SPAG17: variants seen among roughly 807,000 people sequenced by gnomAD.
SPAG17 encodes the protein sperm associated antigen 17, also known as sperm-associated antigen 17.
A neutral mutation model predicts 273.6 loss-of-function variants in SPAG17; 169 were observed. That is an observed-to-expected ratio of 0.62 (90% CI 0.55 to 0.70). The LOEUF (loss-of-function observed/expected upper bound fraction) is 0.70. Ranked by LOEUF, SPAG17 falls within the 30% of genes least tolerant of loss-of-function variation. The pLI, the probability that SPAG17 is intolerant of heterozygous loss-of-function variation, is 0.00. For missense variants in SPAG17, 2,557 were observed against 2,627.8 expected, an observed-to-expected ratio of 0.97 and a Z score of 0.59; for synonymous variants, 825 against 873.2, an observed-to-expected ratio of 0.94 and a Z score of 0.97.
chr1:118,046,566 G>A (rs1650381617), intron 20 of SPAG17, among the ~76,000 whole-genome samples: 1 of 151,656 alleles, frequency 6.6e-6, no homozygotes, highest in Admixed American at 6.6e-5. Context: ...TAAATTTCTA[G>A]AGCAACCACT....
intron 3 of SPAG17, among the ~76,000 whole-genome samples, chr1:118,147,872 T>A (rs917525919): frequency 6.6e-6 from 1 of 152,220 alleles, no homozygotes; most frequent in Non-Finnish European, 1.5e-5. Flanking sequence ...AAGTATACTA[T>A]ACAGAAGTCT....
intron 18 of SPAG17, among the ~76,000 whole-genome samples, chr1:118,063,693 A>G (rs1379491490): frequency 6.6e-6 from 1 of 152,218 alleles, no homozygotes; most frequent in Non-Finnish European, 1.5e-5. Flanking sequence ...TTCACGTCTA[A>G]AACACCAAAA....
intron 10 of SPAG17, among the ~76,000 whole-genome samples, chr1:118,089,332 C>CGTGTATGTGTGTGTGTGTGTGT (rs1655217240): frequency 7.4e-6 from 1 of 135,882 alleles, no homozygotes; most frequent in African/African-American, 2.7e-5. Flanking sequence ...ATGTAGATGA[C>CGTGTATGTGTGTGTGTGTGTGT]GTGTGTGTGT....
At chr1:118,024,095 T>G (rs1178580723) in intron 27 of SPAG17, among the ~76,000 whole-genome samples, 1 of 152,210 alleles carries the variant, frequency 6.6e-6, no homozygotes, top group African/African-American at 2.4e-5. Flanking sequence ...CATATTTAGG[T>G]AATCCTTTAA....
chr1:118,063,387 A>G (rs1050374186), intron 18 of SPAG17, among the ~76,000 whole-genome samples: 3 of 152,202 alleles, frequency 2.0e-5, no homozygotes, highest in Non-Finnish European at 4.4e-5. Context: ...CAAAACAGAG[A>G]TATAGATCAA....
intron 43 of SPAG17, among the ~76,000 whole-genome samples, chr1:117,978,580 G>C (rs1453759960): frequency 1.3e-5 from 2 of 151,978 alleles, no homozygotes; most frequent in African/African-American, 4.8e-5. Flanking sequence ...TCTTTTATAT[G>C]CAATTCCATT....
At chr1:118,149,974 A>G (rs1659281041) in intron 3 of SPAG17, among the ~76,000 whole-genome samples, 1 of 152,202 alleles carries the variant, frequency 6.6e-6, no homozygotes, top group African/African-American at 2.4e-5. Flanking sequence ...CAGCCAAGCC[A>G]GATTTTATAC....
intron 32 of SPAG17, among the ~76,000 whole-genome samples, chr1:118,002,625 A>T (rs1157328498): frequency 6.6e-6 from 1 of 152,028 alleles, no homozygotes; most frequent in Non-Finnish European, 1.5e-5. Context: ...AGTCTGTTTT[A>T]TCAGAGACTA....
chr1:118,175,088 T>A (rs1660626172), intron 1 of SPAG17, among the ~76,000 whole-genome samples: 1 of 152,148 alleles, frequency 6.6e-6, no homozygotes, highest in South Asian at 2.1e-4. Context: ...TGGAGTGCAG[T>A]GGCGCAATCT....
chr1:118,111,744 G>A (rs886924840), intron 4 of SPAG17, among the ~76,000 whole-genome samples: 26 of 151,986 alleles, frequency 1.7e-4, no homozygotes, highest in Admixed American at 9.8e-4. Flanking sequence ...ATTATCAAAC[G>A]TAGGCACTTT....
intron 26 of SPAG17, 129 bp downstream of exon 26, chr1:118,028,145 A>G (rs2101865865): frequency 9.0e-7 from 1 of 1,112,456 alleles, no homozygotes; most frequent in Non-Finnish European, 1.3e-6. Flanking sequence ...AAATGCTACA[A>G]ATGTGAAAAC....
intron 1 of SPAG17, among the ~76,000 whole-genome samples, chr1:118,164,966 C>T (rs1488873320): frequency 6.6e-6 from 1 of 152,186 alleles, no homozygotes; most frequent in African/African-American, 2.4e-5. Context: ...AGCTCTCTGC[C>T]TTGCTCAGCC....
chr1:118,078,370 A>G (rs575122446), intron 15 of SPAG17, among the ~76,000 whole-genome samples: 1 of 152,260 alleles, frequency 6.6e-6, no homozygotes, highest in East Asian at 1.9e-4. Flanking sequence ...ATGAAACACA[A>G]ATGTTTAATA....
intron 18 of SPAG17, among the ~76,000 whole-genome samples, chr1:118,063,016 A>G (rs550829563): frequency 1.3e-5 from 2 of 152,286 alleles, no homozygotes; most frequent in South Asian, 4.1e-4. Flanking sequence ...AAGAAAGGAT[A>G]ATGGAAATTA....
At chr1:118,184,217 A>AT (rs76877728) in intron 1 of SPAG17, among the ~76,000 whole-genome samples, 260 of 152,064 alleles carry the variant, frequency 1.7e-3, no homozygotes, top group African/African-American at 5.9e-3. Context: ...TGAAAAAAAA[A>AT]TTTTTTTTCC....
At chr1:118,159,731 C>T (rs1355782604) in intron 1 of SPAG17, among the ~76,000 whole-genome samples, 1 of 152,134 alleles carries the variant, frequency 6.6e-6, no homozygotes, top group Non-Finnish European at 1.5e-5. Context: ...TGGCCCATCC[C>T]ACCAATCTAG....
At chr1:118,100,324 T>C (rs1040928432) in intron 5 of SPAG17, among the ~76,000 whole-genome samples, 4 of 152,216 alleles carry the variant, frequency 2.6e-5, no homozygotes, top group Non-Finnish European at 5.9e-5. Context: ...TATGTATTTA[T>C]TGCATTAAAA....
chr1:118,005,406 C>T lies in SPAG17; in HGVS notation c.4776+8G>A, dbSNP rs1255593601. 2 of 1,597,652 alleles carry T rather than the reference C, an allele frequency of 1.3e-6. No homozygotes were observed. Among genetic ancestry groups the T allele is most frequent in the Non-Finnish European group, 1.7e-6 (2 of 1,172,624 alleles). ...AGGCTCTCTCTCCATACCAAAGGTG[C>T]ACTTTACCTGAAAAGTGTTTCCCTC... On this transcript the variant is annotated splice_region_variant and intron_variant, in intron 32 of 48. Coordinates refer to ENST00000336338, the MANE Select transcript of SPAG17 (RefSeq NM_206996.4).
intron 18 of SPAG17, among the ~76,000 whole-genome samples, chr1:118,061,343 T>C (rs980127046): frequency 3.3e-5 from 5 of 152,202 alleles, no homozygotes; most frequent in Admixed American, 6.5e-5. Context: ...GTATATATGA[T>C]AGAATAGCAT....
Sources: allele counts gnomAD v4.1 joint callset (sites outside exome capture counted in the v4.1 genomes callset), GRCh38; gene constraint gnomAD v4.1.1; transcripts MANE v1.5; gene names NCBI Gene and HGNC (gene_info 2026-07-23, HGNC 2026-07-21).